Variants in F13A1 observed in about 807,000 individuals in gnomAD.
The protein encoded by F13A1 is coagulation factor XIII A chain, also known as FSF, A subunit.
F13A1 carries 47 observed loss-of-function variants against 80.1 expected under a neutral mutation model. The observed-to-expected ratio is 0.59, with a 90% CI of 0.46 to 0.75. The LOEUF is 0.75. Among genes scored for constraint, F13A1 ranks in the 30% least tolerant of loss-of-function variants. F13A1 has a pLI of 0.00. For missense variants in F13A1, 817 were observed against 930.4 expected, an observed-to-expected ratio of 0.88 and a Z score of 1.59; for synonymous variants, 349 against 344.9, an observed-to-expected ratio of 1.01 and a Z score of -0.13.
intron 3 of F13A1, among the ~76,000 whole-genome samples, chr6:6,290,300 T>C (rs1417839745): frequency 1.3e-5 from 2 of 152,336 alleles, no homozygotes; most frequent in East Asian, 1.9e-4. Flanking sequence ...AAAAAATGGA[T>C]ATAAAGTTAT....
At chr6:6,252,513 A>G (rs1161865237) in intron 4 of F13A1, among the ~76,000 whole-genome samples, 1 of 152,076 alleles carries the variant, frequency 6.6e-6, no homozygotes. Flanking sequence ...TGAAAATGCT[A>G]AGGCAAAAAA....
At chr6:6,189,963 T>C (rs1452328038) in intron 10 of F13A1, among the ~76,000 whole-genome samples, 4 of 152,182 alleles carry the variant, frequency 2.6e-5, no homozygotes, top group African/African-American at 9.7e-5. Context: ...TCTTGCTTCA[T>C]TTCTTTCATT....
At chr6:6,161,229 A>G (rs1397424271) in intron 13 of F13A1, among the ~76,000 whole-genome samples, 1 of 152,040 alleles carries the variant, frequency 6.6e-6, no homozygotes, top group Non-Finnish European at 1.5e-5. Context: ...GTGACCAGAG[A>G]TTCAAGAGAT....
chr6:6,202,761 C>T (rs1039150804), intron 8 of F13A1, among the ~76,000 whole-genome samples: 2 of 152,222 alleles, frequency 1.3e-5, no homozygotes, highest in Non-Finnish European at 2.9e-5. Flanking sequence ...GAACACATCT[C>T]TGCTTTATGT....
At chr6:6,184,265 CTGGAGA>C (rs1313563279) in intron 10 of F13A1, among the ~76,000 whole-genome samples, 1 of 152,214 alleles carries the variant, frequency 6.6e-6, no homozygotes, top group Non-Finnish European at 1.5e-5. Flanking sequence ...CTAGGAGCTG[CTGGAGA>C]AGCAGCTCAA....
intron 6 of F13A1, among the ~76,000 whole-genome samples, chr6:6,240,279 C>A: frequency 6.6e-6 from 1 of 152,072 alleles, no homozygotes; most frequent in East Asian, 1.9e-4. Flanking sequence ...ATTGAGAAAC[C>A]AAGCTGTTTG....
intron 8 of F13A1, among the ~76,000 whole-genome samples, chr6:6,198,367 T>TC (rs1761329007): frequency 6.6e-6 from 1 of 152,206 alleles, no homozygotes; most frequent in African/African-American, 2.4e-5. Flanking sequence ...CATTAACCCC[T>TC]CAGCACTATA....
intron 12 of F13A1, among the ~76,000 whole-genome samples, chr6:6,172,619 G>A (rs975433351): frequency 1.3e-5 from 2 of 151,908 alleles, no homozygotes; most frequent in Non-Finnish European, 2.9e-5. Flanking sequence ...CTAATTTTTT[G>A]TATTTTTAGT....
chr6:6,195,154 A>G (rs1197585958), intron 10 of F13A1, among the ~76,000 whole-genome samples: 1 of 152,232 alleles, frequency 6.6e-6, no homozygotes, highest in Non-Finnish European at 1.5e-5. Flanking sequence ...AGTATCCTTT[A>G]ACAGCCTGTT....
At chr6:6,290,045 G>T (rs1758202528) in intron 3 of F13A1, among the ~76,000 whole-genome samples, 1 of 152,128 alleles carries the variant, frequency 6.6e-6, no homozygotes, top group South Asian at 2.1e-4. Context: ...GGAGGCAAGG[G>T]ATGAACATAT....
At chr6:6,155,308 T>C (rs974075329) in intron 13 of F13A1, among the ~76,000 whole-genome samples, 2 of 152,206 alleles carry the variant, frequency 1.3e-5, no homozygotes, top group African/African-American at 2.4e-5. Context: ...GATCTGAATA[T>C]GTTCAGGACA....
At chr6:6,228,731 C>CA (rs35068752) in intron 6 of F13A1, among the ~76,000 whole-genome samples, 36,183 of 72,590 alleles carry the variant, frequency 0.5, 8,278 homozygotes, top group African/African-American at 0.53. Flanking sequence ...GATCCTGTCT[C>CA]AAAAAAAAAA....
At chr6:6,173,610 G>A (rs2151074658) in intron 12 of F13A1, among the ~76,000 whole-genome samples, 1 of 152,228 alleles carries the variant, frequency 6.6e-6, no homozygotes, top group Admixed American at 6.5e-5. Flanking sequence ...TTTTCACCAT[G>A]TTAGTCAGGC....
intron 6 of F13A1, among the ~76,000 whole-genome samples, chr6:6,236,241 G>A (rs1219901377): frequency 6.6e-6 from 1 of 151,976 alleles, no homozygotes; most frequent in Non-Finnish European, 1.5e-5. Flanking sequence ...CGTTTCATGG[G>A]TACATATACA....
At chr6:6,230,509 C>A (rs762411848) in intron 6 of F13A1, among the ~76,000 whole-genome samples, 2 of 152,132 alleles carry the variant, frequency 1.3e-5, no homozygotes, top group Non-Finnish European at 2.9e-5. Context: ...TCCTACCTAC[C>A]CTGCTAGTGG....
At chr6:6,249,290 T>C (rs1757597486) in intron 5 of F13A1, among the ~76,000 whole-genome samples, 1 of 152,230 alleles carries the variant, frequency 6.6e-6, no homozygotes, top group Non-Finnish European at 1.5e-5. Context: ...TATCCCAAAC[T>C]GACAGGATGG....
chr6:6,221,745 G>A lies in F13A1; in HGVS notation c.1112+288C>T, dbSNP rs3024418. On this transcript the variant is annotated intron_variant, in intron 8 of 14. Coordinates refer to ENST00000264870, the MANE Select transcript of F13A1 (RefSeq NM_000129.4). ...ATTAACTGTAATATTAATATATCAA[G>A]GTAGAGAGGAACTAGTATAGGCATA... Among the ~76,000 whole-genome samples the A allele has an allele frequency of 2.0e-3, 303 of 152,290 alleles. 3 individuals carry two copies. Among genetic ancestry groups the A allele is most frequent in the African/African-American group, 7.0e-3 (293 of 41,562 alleles).
intron 3 of F13A1, among the ~76,000 whole-genome samples, chr6:6,288,471 G>A (rs1004400400): frequency 6.6e-6 from 1 of 152,154 alleles, no homozygotes; most frequent in Non-Finnish European, 1.5e-5. Context: ...GTGCTCTCCA[G>A]TTCTACCCTT....
At chr6:6,155,254 T>C (rs1760452766) in intron 13 of F13A1, among the ~76,000 whole-genome samples, 1 of 152,182 alleles carries the variant, frequency 6.6e-6, no homozygotes, top group Non-Finnish European at 1.5e-5. Flanking sequence ...GCTTAGTATT[T>C]GAGAAACTGG....
Sources: gnomAD v4.1 joint callset for allele counts (sites outside exome capture counted in the v4.1 genomes callset) on GRCh38, gnomAD v4.1.1 for gene constraint, MANE v1.5 for transcripts, NCBI Gene and HGNC (gene_info 2026-07-23, HGNC 2026-07-21) for gene names.